C6orf89: variants seen among roughly 807,000 people sequenced by gnomAD.
The protein encoded by C6orf89 is chromosome 6 open reading frame 89, also known as bombesin receptor-activated protein C6orf89.
Under a neutral mutation model 40.7 loss-of-function variants are expected in C6orf89, and 29 were observed. That is an observed-to-expected ratio of 0.71 (90% CI 0.53 to 0.97). The LOEUF (loss-of-function observed/expected upper bound fraction) is 0.97, where lower values mean the gene tolerates loss of function less well. Among genes scored for constraint, C6orf89 ranks in the 50% least tolerant of loss-of-function variants. The pLI, the probability that C6orf89 is intolerant of heterozygous loss-of-function variation, is 0.00. For synonymous variants in C6orf89, 165 were observed against 152.2 expected, an observed-to-expected ratio of 1.08 and a Z score of -0.62; for missense variants, 392 against 429.1, an observed-to-expected ratio of 0.91 and a Z score of 0.76.
chr6:36,914,654 G>T lies in C6orf89; in HGVS notation c.656G>T (p.Arg219Leu), dbSNP rs768556370. The T allele has an allele frequency of 1.8e-5, 29 of 1,614,192 alleles. No homozygotes were observed. Among genetic ancestry groups the T allele is most frequent in the Non-Finnish European group, 2.5e-5 (29 of 1,180,038 alleles). The change falls in exon 6 of 9, where the codon CGC becomes CTC. Residue 219 changes from arginine to leucine, a missense_variant. Physicochemically the swap from Arg to Leu is moderately radical, Grantham distance 102. Transcript: ENST00000480824. ...GAAGGGTTTTTCGCCAAGTGGTGGC[G>T]CTGCTTTCCTGAGCGGTGGTTCCCA... is the stretch of plus-strand genomic sequence containing the variant. ...FSEGFFAKWWRCFPERWFPFP... is the reference protein window; with the variant it reads ...FSEGFFAKWWLCFPERWFPFP...
intron 2 of C6orf89, among the ~76,000 whole-genome samples, chr6:36,899,042 A>AT (rs1004893563): frequency 3.1e-4 from 46 of 149,060 alleles, no homozygotes; most frequent in African/African-American, 6.4e-4. Flanking sequence ...TGCATAATCC[A>AT]TTTTTTTTTT....
intron 8 of C6orf89, 26 bp from the exon 9 acceptor site, chr6:36,923,321 C>T (rs1762576390): frequency 6.3e-7 from 1 of 1,582,604 alleles, no homozygotes; most frequent in African/African-American, 1.3e-5. Flanking sequence ...CATTTACATG[C>T]CTTCCTCTTG....
At chr6:36,884,677 T>A (rs1195356255), upstream of C6orf89, among the ~76,000 whole-genome samples, 2 of 152,122 alleles carry the variant, frequency 1.3e-5, no homozygotes, top group African/African-American at 2.4e-5. This position sits in a 1 kb window ranked among gnomAD's most constrained non-coding sequence, Gnocchi z 4.0. Flanking sequence ...GTCACCTAAG[T>A]AAGAACCTGG....
intron 7 of C6orf89, 127 bp from the exon 8 acceptor site, chr6:36,919,451 T>C (rs537988435): frequency 9.1e-4 from 1,074 of 1,177,346 alleles, no homozygotes; most frequent in Admixed American, 1.2e-3. Flanking sequence ...TTATTGGTTC[T>C]ATTTCCTCTT....
chr6:36,915,279 A>G (rs565845349), intron 6 of C6orf89, among the ~76,000 whole-genome samples: 5 of 152,338 alleles, frequency 3.3e-5, no homozygotes, highest in East Asian at 1.9e-4. Flanking sequence ...ATGGGGCCTC[A>G]TGCAGGGGGC....
rs1226739010 is a variant in C6orf89 at position 36,920,784 on chromosome 6, A to G, written c.949+1083A>G. 9.2e-5 allele frequency among the ~76,000 whole-genome samples: 14 copies of G among 152,308 alleles called. No homozygotes were observed. In the East Asian group the frequency reaches 1.7e-3, roughly 19 times the overall value. Reference sequence around the variant, plus strand: ...CTGTAATGGAGTGACTCTTAACACAAGAGATGACTATTGCGAAAATCTCTC... The same window carrying G: ...CTGTAATGGAGTGACTCTTAACACAGGAGATGACTATTGCGAAAATCTCTC... On this transcript the variant is annotated intron_variant, in intron 8 of 8. Transcript: ENST00000480824.
intron 1 of C6orf89, among the ~76,000 whole-genome samples, chr6:36,875,637 G>C (rs1328899260): frequency 6.6e-6 from 1 of 152,246 alleles, no homozygotes; most frequent in Non-Finnish European, 1.5e-5. Context: ...ACTTAACGCT[G>C]TAAATGCTTT....
intron 8 of C6orf89, among the ~76,000 whole-genome samples, chr6:36,922,345 A>C (rs1434767180): frequency 2.7e-5 from 4 of 145,620 alleles, no homozygotes; most frequent in African/African-American, 1.1e-4. Context: ...CGTCTCAAAA[A>C]AAAAAAGAAA....
At chr6:36,920,648 A>C (rs1258502501) in intron 8 of C6orf89, among the ~76,000 whole-genome samples, 1 of 152,364 alleles carries the variant, frequency 6.6e-6, no homozygotes, top group African/African-American at 2.4e-5. Context: ...AAAAATAAAA[A>C]TAAGGTACAA....
intron 7 of C6orf89, among the ~76,000 whole-genome samples, chr6:36,918,570 G>A (rs960883604): frequency 3.3e-5 from 5 of 152,164 alleles, no homozygotes; most frequent in African/African-American, 1.2e-4. Flanking sequence ...CCAAGACTCT[G>A]GAGGCCCTGA....
intron 7 of C6orf89, among the ~76,000 whole-genome samples, chr6:36,917,946 T>G (rs1004777535): frequency 6.6e-6 from 1 of 152,226 alleles, no homozygotes; most frequent in African/African-American, 2.4e-5. Context: ...TTCTCGAGGA[T>G]GTTTTGGGAA....
chr6:36,914,528 T>G (rs200588816), intron 5 of C6orf89, 26 bp from the exon 6 acceptor site: 3 of 1,613,138 alleles, frequency 1.9e-6, no homozygotes, highest in Non-Finnish European at 2.5e-6. Flanking sequence ...TCTGTGTTGT[T>G]TTGTTTTGTT....
In C6orf89 at chr6:36,921,675, A is replaced by G. The variant is rs909338761; in HGVS notation, c.950-1672A>G. On this transcript the variant is annotated intron_variant, in intron 8 of 8. Transcript: ENST00000480824. ...TTTTTGTTTAAAATTTTATTTTCTT[A>G]TGGTAAAAACACTTAACATGAGATC... Among the ~76,000 whole-genome samples the G allele has an allele frequency of 3.3e-5, 5 of 150,878 alleles. No individual in the cohort carries two copies. The South Asian group carries it at 8.3e-4, about 25-fold the overall frequency.
At position 36,916,433 on chromosome 6, in the gene C6orf89, A is replaced by C; in HGVS notation, c.696-12A>C. Reference sequence around the variant, plus strand: ...AGTTTAATTACTTTTTTTCTGTTTCATACTTCTACAGGAGGAGACCTCTGA... The same window carrying C: ...AGTTTAATTACTTTTTTTCTGTTTCCTACTTCTACAGGAGGAGACCTCTGA... On this transcript the variant is annotated splice_polypyrimidine_tract_variant and intron_variant, in intron 6 of 8. Coordinates refer to ENST00000480824, the MANE Select transcript of C6orf89 (RefSeq NM_001286635.2). 1 of 1,613,546 alleles carries C rather than the reference A, an allele frequency of 6.2e-7. No individual in the cohort carries two copies. Among genetic ancestry groups the C allele is most frequent in the Non-Finnish European group, 8.5e-7 (1 of 1,179,752 alleles).
At chr6:36,902,975 A>T (rs9462241) in intron 4 of C6orf89, among the ~76,000 whole-genome samples, 38,712 of 152,132 alleles carry the variant, frequency 0.25, 5,269 homozygotes, top group African/African-American at 0.33. Flanking sequence ...GTAAGTAGAA[A>T]TTAAAAAACA....
At chr6:36,896,221 C>T (rs1160118689) in intron 2 of C6orf89, among the ~76,000 whole-genome samples, 2 of 152,152 alleles carry the variant, frequency 1.3e-5, no homozygotes, top group Non-Finnish European at 2.9e-5. Flanking sequence ...GATTCTTCTG[C>T]CTCAGCCTCC....
intron 2 of C6orf89, among the ~76,000 whole-genome samples, chr6:36,895,583 A>G (rs186265456): frequency 3.0e-4 from 46 of 152,362 alleles, no homozygotes; most frequent in African/African-American, 1.1e-3. Context: ...CTTCTCATCT[A>G]AATGCAGCTA....
upstream of C6orf89, among the ~76,000 whole-genome samples, chr6:36,882,778 G>A (rs368661576): frequency 3.6e-5 from 5 of 138,936 alleles, no homozygotes; most frequent in East Asian, 6.9e-4. Flanking sequence ...TCGCCCAGGC[G>A]GGACTGCGGA....
chr6:36,902,909 C>T (rs938748457), intron 4 of C6orf89, among the ~76,000 whole-genome samples: 4 of 152,144 alleles, frequency 2.6e-5, no homozygotes, highest in Admixed American at 2.6e-4. Context: ...CAGTTTAGTC[C>T]TTCTGTCTGT....
Sources: gnomAD v4.1 joint callset for allele counts (sites outside exome capture counted in the v4.1 genomes callset) on GRCh38, gnomAD v4.1.1 for gene constraint, Gnocchi (gnomAD v3.1) non-coding constraint, MANE v1.5 for transcripts, NCBI Gene and HGNC (gene_info 2026-07-23, HGNC 2026-07-21) for gene names.